HACE1: variants seen among roughly 807,000 people sequenced by gnomAD.
HACE1 encodes the protein HECT domain and ankyrin repeat containing E3 ubiquitin protein ligase 1.
In HACE1, 73 loss-of-function variants were observed where a neutral mutation model predicts 118.4. The observed-to-expected ratio is 0.62, with a 90% CI of 0.51 to 0.75. HACE1 has a LOEUF of 0.75. Among genes scored for constraint, HACE1 ranks in the 30% least tolerant of loss-of-function variants. HACE1 has a pLI of 0.00. For missense variants in HACE1, 749 were observed against 1,102.2 expected, an observed-to-expected ratio of 0.68 and a Z score of 4.54; for synonymous variants, 368 against 374.8, an observed-to-expected ratio of 0.98 and a Z score of 0.21.
At position 104,852,319 on chromosome 6, in the gene HACE1, G is replaced by T; in HGVS notation, c.129C>A (p.His43Gln). The T allele has an allele frequency of 6.2e-7, 1 of 1,608,828 alleles. No homozygotes were observed. The highest frequency in any genetic ancestry group is 8.5e-7 in the Non-Finnish European group (1 of 1,175,386). The change falls in exon 2 of 24, where the codon CAC (histidine) becomes CAA (glutamine). Residue 43 changes from histidine (H) to glutamine (Q), a missense_variant and splice_region_variant. By Grantham distance (24) the His-to-Gln change is conservative. Around this residue, in one of 5 missense-constraint regions of HACE1, gnomAD observed 120 missense variants for 219.1 expected, o/e 0.55. Coordinates refer to ENST00000262903, the MANE Select transcript of HACE1 (RefSeq NM_020771.4). Reference sequence around the variant, plus strand: ...AAATTTTTGGAACAAGCACTCACCTGTGTTGATCAGCCATAACCATTGGCA... The same window carrying T: ...AAATTTTTGGAACAAGCACTCACCTTTGTTGATCAGCCATAACCATTGGCA... ...TLMPMVMADQ[H>Q]RSVSELLSNS... is the part of the protein sequence containing the mutation.
chr6:104,747,971 C>T (rs1429343742), intron 20 of HACE1, among the ~76,000 whole-genome samples: 1 of 151,632 alleles, frequency 6.6e-6, no homozygotes, highest in African/African-American at 2.4e-5. Context: ...AGTAACAGAC[C>T]TAAATGTGAA....
At chr6:104,753,053 G>T (rs1028636576) in intron 19 of HACE1, among the ~76,000 whole-genome samples, 2 of 152,150 alleles carry the variant, frequency 1.3e-5, no homozygotes, top group Non-Finnish European at 2.9e-5. Flanking sequence ...AAGTCGAACT[G>T]CTTCTAAAAT....
chr6:104,844,271 G>A (rs1026427688), intron 4 of HACE1, among the ~76,000 whole-genome samples: 7 of 151,680 alleles, frequency 4.6e-5, no homozygotes, highest in Non-Finnish European at 8.8e-5. Flanking sequence ...TCTTGACCTC[G>A]TGATCTGCCC....
At position 104,859,703 on chromosome 6, in the gene HACE1, A is replaced by G. The variant is rs1484883199; in HGVS notation, c.-61T>C. On this transcript the variant is annotated 5_prime_UTR_variant, in exon 1 of 24. Transcript: ENST00000262903. ...CGCCCCACCGGCGGCCTCCGCGCCC[A>G]GAGCCCTACATCTCGCCTGGGCCCG... The G allele has an allele frequency of 3.5e-6, 5 of 1,414,210 alleles. No individual in the cohort carries two copies. The highest frequency in any genetic ancestry group is 4.0e-5 in the Admixed American group (2 of 49,778). 87.6% of individuals were successfully genotyped at this position (1,414,210 alleles called of 1,614,324 possible).
chr6:104,794,198 A>G (rs981595645), intron 10 of HACE1, among the ~76,000 whole-genome samples: 11 of 152,242 alleles, frequency 7.2e-5, no homozygotes, highest in African/African-American at 2.7e-4. Flanking sequence ...ATGAAATAAT[A>G]TATTCGAATG....
intron 19 of HACE1, among the ~76,000 whole-genome samples, chr6:104,768,022 A>G (rs1464739303): frequency 6.6e-6 from 1 of 152,200 alleles, no homozygotes; most frequent in Non-Finnish European, 1.5e-5. Context: ...AAAAGAGGCC[A>G]TATCTAACTA....
intron 14 of HACE1, among the ~76,000 whole-genome samples, chr6:104,783,842 G>C (rs1000737482): frequency 1.3e-5 from 2 of 152,188 alleles, no homozygotes; most frequent in African/African-American, 2.4e-5. Flanking sequence ...GAACTAAAGA[G>C]TTTCATTAAG....
At chr6:104,795,758 A>G (rs1769555052) in intron 9 of HACE1, 73 bp from the exon 10 acceptor site, 2 of 903,256 alleles carry the variant, frequency 2.2e-6, no homozygotes, top group South Asian at 1.4e-5. Flanking sequence ...TTAAGTACCT[A>G]TTAAGTATCT....
intron 5 of HACE1, among the ~76,000 whole-genome samples, chr6:104,840,789 C>A (rs2115149569): frequency 6.6e-6 from 1 of 152,286 alleles, no homozygotes; most frequent in East Asian, 1.9e-4. Context: ...CATGGAGAAA[C>A]CCCGTCTCTA....
At position 104,784,114 on chromosome 6, in the gene HACE1, G is replaced by C; in HGVS notation, c.1538C>G (p.Ser513Ter). 6.3e-7 allele frequency: 1 copy of C among 1,596,790 alleles called. No homozygotes were observed. Among genetic ancestry groups the C allele is most frequent in the South Asian group, 1.1e-5 (1 of 90,662 alleles). The change falls in exon 14 of 24, where the codon TCA becomes TGA. Residue 513 changes from serine (S) to a stop codon, truncating the protein, a stop_gained. Transcript: ENST00000262903. LOFTEE classifies it high-confidence loss of function. ...TGCTTTTATGATATGCATGAATCTT[G>C]ACATCAACTCAGGACATTCAAGGAG... ...HFLLECPELM[S>*]RFMHIIKAQP...
chr6:104,744,573 C>T lies in HACE1; in HGVS notation c.2381G>A (p.Ser794Asn). The T allele has an allele frequency of 2.3e-5, 37 of 1,605,338 alleles. No homozygotes were observed. The highest frequency in any genetic ancestry group is 3.0e-5 in the Non-Finnish European group (35 of 1,172,232). ...LLSGMPEIDV[S>N]DWIKNTEYTS... ...GTATTCTGTATTTTTTATCCAATCA[C>T]TCACATCAATTTCTGGCATGCCAGA... Residue 794 changes from serine to asparagine, a missense_variant, in exon 21 of 24, where the codon AGT becomes AAT. Transcript: ENST00000262903.
intron 5 of HACE1, among the ~76,000 whole-genome samples, chr6:104,837,823 T>TA (rs1204176156): frequency 5.3e-5 from 8 of 152,134 alleles, no homozygotes; most frequent in Non-Finnish European, 1.2e-4. Flanking sequence ...TGGAAAAACT[T>TA]AGACTCCACC....
chr6:104,745,125 C>T (rs1298943612), intron 20 of HACE1, among the ~76,000 whole-genome samples: 3 of 152,016 alleles, frequency 2.0e-5, no homozygotes, highest in Admixed American at 1.3e-4. Flanking sequence ...AAGATTTAGG[C>T]CTTTTAGGAA....
chr6:104,740,582 C>G (rs903725982), intron 22 of HACE1, among the ~76,000 whole-genome samples: 1 of 151,516 alleles, frequency 6.6e-6, no homozygotes, highest in African/African-American at 2.4e-5. Flanking sequence ...AATTCCTCGA[C>G]ACATACACTC....
At chr6:104,836,369 A>G (rs1216635455) in intron 5 of HACE1, among the ~76,000 whole-genome samples, 1 of 152,244 alleles carries the variant, frequency 6.6e-6, no homozygotes, top group Non-Finnish European at 1.5e-5. Context: ...TTAAAGTAAT[A>G]AAGTTGCAGT....
chr6:104,798,814 T>C (rs1769979970), intron 7 of HACE1, among the ~76,000 whole-genome samples: 1 of 152,236 alleles, frequency 6.6e-6, no homozygotes, highest in African/African-American at 2.4e-5. Context: ...CTTTTGCTAG[T>C]AGCCAAGGTT....
intron 6 of HACE1, among the ~76,000 whole-genome samples, chr6:104,822,203 TA>T (rs58454908): frequency 0.44 from 45,161 of 102,786 alleles, 9,479 homozygotes; most frequent in East Asian, 0.55. Context: ...CCGTCTCTAC[TA>T]AAAAAAAAAA....
intron 7 of HACE1, among the ~76,000 whole-genome samples, chr6:104,809,718 T>C (rs1000481256): frequency 6.8e-6 from 1 of 147,554 alleles, no homozygotes; most frequent in Non-Finnish European, 1.5e-5. Flanking sequence ...GGAAACAACA[T>C]AGGAATCAGG....
At chr6:104,859,377 A>C (rs1582817496) in intron 1 of HACE1, 190 bp downstream of exon 1, 1 of 530,178 alleles carries the variant, frequency 1.9e-6, no homozygotes. Context: ...GAAAACTCCC[A>C]CCTGCCGGGG....
Sources: gnomAD v4.1 joint callset for allele counts (sites outside exome capture counted in the v4.1 genomes callset) on GRCh38, gnomAD v4.1.1 for gene constraint, gnomAD v4.1.1 regional missense constraint, MANE v1.5 for transcripts, NCBI Gene and HGNC (gene_info 2026-07-23, HGNC 2026-07-21) for gene names.